DOK6: variants seen among roughly 807,000 people sequenced by gnomAD.
DOK6 encodes the protein downstream of tyrosine kinase 6.
In DOK6, 22 loss-of-function variants were observed where a neutral mutation model predicts 44.0. The ratio of observed to expected loss-of-function variants is 0.50; its 90% CI spans 0.36 to 0.71. The LOEUF (loss-of-function observed/expected upper bound fraction) is 0.71. Ranked by LOEUF, DOK6 falls within the 30% of genes least tolerant of loss-of-function variation. The probability of loss-of-function intolerance (pLI) is 0.00; values close to 1 mark genes in which losing one functional copy is unlikely to be tolerated. For missense variants in DOK6, 340 were observed against 416.4 expected, an observed-to-expected ratio of 0.82 and a Z score of 1.60; for synonymous variants, 166 against 145.5, an observed-to-expected ratio of 1.14 and a Z score of -1.01.
intron 1 of DOK6, among the ~76,000 whole-genome samples, chr18:69,442,001 G>A (rs966829112): frequency 3.3e-5 from 5 of 152,074 alleles, no homozygotes; most frequent in African/African-American, 7.2e-5. Context: ...TGGTTACCCC[G>A]GAACATGCAG....
intron 5 of DOK6, among the ~76,000 whole-genome samples, chr18:69,734,393 CAA>C (rs60831756): frequency 8.8e-3 from 428 of 48,486 alleles, no homozygotes; most frequent in African/African-American, 0.019. Flanking sequence ...TTCATAGCAG[CAA>C]AAAAAAAAAA....
chr18:69,757,943 T>A lies in DOK6; in HGVS notation c.856+70T>A, dbSNP rs143883718. ...TCCAGGTGGACTGAGTCATGCAAAT[T>A]GCTTTGTATTTGCATTGCTTGCTTT... On this transcript the variant is annotated intron_variant, in intron 7 of 7. Coordinates refer to ENST00000382713, the MANE Select transcript of DOK6 (RefSeq NM_152721.6). 2.6e-4 allele frequency: 345 copies of A among 1,316,638 alleles called. 2 individuals are homozygous for A. Among genetic ancestry groups the A allele is most frequent in the Middle Eastern group, 1.8e-4 (1 of 5,472 alleles). The allele number at this position is 1,316,638 out of a possible 1,614,324, so 81.6% of individuals were successfully genotyped here.
rs1016014086 is a variant in DOK6, at chr18:69,841,227, C to A, written c.857-17C>A. On this transcript the variant is annotated splice_polypyrimidine_tract_variant and intron_variant, in intron 7 of 7. Coordinates refer to ENST00000382713, the MANE Select transcript of DOK6 (RefSeq NM_152721.6). ...TGAATCTGTTTCTCAGTAGAGCTCT[C>A]CTTTCTTCCTCTCTAGGTCATGGGT... 6.2e-7 allele frequency: 1 copy of A among 1,614,108 alleles called. No homozygotes were observed. The highest frequency in any genetic ancestry group is 8.5e-7 in the Non-Finnish European group (1 of 1,179,978).
At chr18:69,784,227 A>T (rs2145092124) in intron 7 of DOK6, among the ~76,000 whole-genome samples, 1 of 152,270 alleles carries the variant, frequency 6.6e-6, no homozygotes, top group South Asian at 2.1e-4. Context: ...TTTTGTTAAT[A>T]TCATTACCAT....
chr18:69,533,806 TAG>T (rs1156587571), intron 1 of DOK6, among the ~76,000 whole-genome samples: 1 of 152,188 alleles, frequency 6.6e-6, no homozygotes, highest in Non-Finnish European at 1.5e-5. Flanking sequence ...TATTCTTTGA[TAG>T]AATTGTTACA....
chr18:69,796,353 C>T (rs17203823), intron 7 of DOK6, among the ~76,000 whole-genome samples: 9,120 of 152,178 alleles, frequency 0.06, 303 homozygotes, highest in African/African-American at 0.091. Flanking sequence ...GCAGAGTGCC[C>T]TCCTTGCCCA....
At chr18:69,665,488 C>CTGGG (rs1372298401) in intron 3 of DOK6, among the ~76,000 whole-genome samples, 5 of 152,126 alleles carry the variant, frequency 3.3e-5, no homozygotes. Context: ...ATTTTGCACT[C>CTGGG]TGGGAGGGGG....
At chr18:69,692,979 C>T (rs1041757540) in intron 4 of DOK6, among the ~76,000 whole-genome samples, 5 of 152,168 alleles carry the variant, frequency 3.3e-5, no homozygotes, top group African/African-American at 1.2e-4. Context: ...GAATTGTTTA[C>T]AGCCTAAATC....
chr18:69,747,603 C>CCCCCCCTT (rs1386380730), intron 6 of DOK6, among the ~76,000 whole-genome samples: 2 of 142,836 alleles, frequency 1.4e-5, no homozygotes, highest in South Asian at 4.7e-4. Flanking sequence ...GCCCCCTCCC[C>CCCCCCCTT]CCCACAGAAG....
At chr18:69,496,084 C>A (rs964122806) in intron 1 of DOK6, among the ~76,000 whole-genome samples, 1 of 152,180 alleles carries the variant, frequency 6.6e-6, no homozygotes, top group Non-Finnish European at 1.5e-5. Flanking sequence ...CTCCTGCCTG[C>A]TCTGTGGGCT....
intron 1 of DOK6, among the ~76,000 whole-genome samples, chr18:69,544,417 C>T (rs975747655): frequency 5.9e-5 from 9 of 151,332 alleles, no homozygotes; most frequent in East Asian, 1.9e-4. Context: ...TTTAGGAAAA[C>T]GAAGTTAAAA....
chr18:69,423,711 C>A (rs951325564), intron 1 of DOK6, among the ~76,000 whole-genome samples: 1 of 151,914 alleles, frequency 6.6e-6, no homozygotes, highest in Non-Finnish European at 1.5e-5. Context: ...ATGAAAACTT[C>A]TTTTGTCCTC....
intron 1 of DOK6, among the ~76,000 whole-genome samples, chr18:69,469,073 G>A (rs932557244): frequency 1.3e-5 from 2 of 152,166 alleles, no homozygotes; most frequent in African/African-American, 4.8e-5. Flanking sequence ...GGAACTGCGG[G>A]TTTGCTTAGA....
chr18:69,682,341 A>G (rs1007914934), intron 4 of DOK6, among the ~76,000 whole-genome samples: 1 of 152,222 alleles, frequency 6.6e-6, no homozygotes, highest in African/African-American at 2.4e-5. Flanking sequence ...CCAGTCAACA[A>G]AAATCTCAGT....
chr18:69,595,061 G>A (rs1983710071), intron 2 of DOK6, among the ~76,000 whole-genome samples: 1 of 152,096 alleles, frequency 6.6e-6, no homozygotes, highest in Non-Finnish European at 1.5e-5. Context: ...CCAAGGAGGT[G>A]AAAGACCTCT....
intron 4 of DOK6, among the ~76,000 whole-genome samples, chr18:69,693,757 G>A (rs978115160): frequency 6.6e-6 from 1 of 151,968 alleles, no homozygotes; most frequent in African/African-American, 2.4e-5. Context: ...ATTTGTTCCT[G>A]CATAAAATAG....
chr18:69,412,877 C>T (rs972269698), intron 1 of DOK6, among the ~76,000 whole-genome samples: 1 of 152,036 alleles, frequency 6.6e-6, no homozygotes, highest in African/African-American at 2.4e-5. Flanking sequence ...ATTCCAGGAA[C>T]CTAGGACCGA....
intron 1 of DOK6, among the ~76,000 whole-genome samples, chr18:69,490,690 A>T (rs1775441959): frequency 6.6e-6 from 1 of 152,190 alleles, no homozygotes; most frequent in South Asian, 2.1e-4. Context: ...ATTATGTGCA[A>T]CTAAAACAAG....
At chr18:69,782,202 G>A (rs1477050713) in intron 7 of DOK6, among the ~76,000 whole-genome samples, 2 of 141,216 alleles carry the variant, frequency 1.4e-5, no homozygotes, top group Admixed American at 7.9e-5. Context: ...AATTTTATGT[G>A]TTCTAAGATT....
Sources: allele counts gnomAD v4.1 joint callset (sites outside exome capture counted in the v4.1 genomes callset), GRCh38; gene constraint gnomAD v4.1.1; transcripts MANE v1.5; gene names NCBI Gene and HGNC (gene_info 2026-07-23, HGNC 2026-07-21).